The following SAMMSON variants were observed in gnomAD, a reference collection of about 807,000 sequenced individuals.
The protein encoded by SAMMSON is long intergenic non-protein coding RNA 1212.
chr3:70,290,351 T>C (rs1266806666), intron 6 of SAMMSON, among the ~76,000 whole-genome samples: 1 of 152,170 alleles, frequency 6.6e-6, no homozygotes, highest in African/African-American at 2.4e-5. Context: ...TGTTGGGGGG[T>C]GCCTCCCAGT....
In SAMMSON at chr3:70,418,979, T is replaced by C. The variant is rs202178644; in HGVS notation, n.234-43581T>C. On this transcript the variant is annotated intron_variant and non_coding_transcript_variant, in intron 2 of 3. Coordinates refer to the SAMMSON transcript ENST00000641053. ...CCTTTCCTTTCCTTTCCTTCCTTCCTTCTCTCTCTCTCTCTCTCTCTCTTT... is the reference window on the plus strand; with the variant it reads ...CCTTTCCTTTCCTTTCCTTCCTTCCCTCTCTCTCTCTCTCTCTCTCTCTTT... Among the ~76,000 whole-genome samples the C allele has an allele frequency of 6.3e-3, 421 of 67,268 alleles. 4 individuals are homozygous for C. The highest frequency in any genetic ancestry group is 0.022 in the African/African-American group (364 of 16,830). 44.1% of individuals were successfully genotyped at this position (67,268 alleles called of 152,430 possible). A position where few individuals can be genotyped will look rare whatever the true frequency, so the allele number is the denominator to read the frequency against.
In SAMMSON at chr3:70,062,159, G is replaced by C. The variant is rs369397241; in HGVS notation, n.418-9317G>C. 1.6e-4 allele frequency among the ~76,000 whole-genome samples: 24 copies of C among 152,042 alleles called. No individual in the cohort carries two copies. The East Asian group carries it at 4.1e-3, about 26-fold the overall frequency. On this transcript the variant is annotated intron_variant and non_coding_transcript_variant, in intron 3 of 9. Coordinates refer to ENST00000642114, the Ensembl canonical transcript of SAMMSON. ...CTCTGCCCATGGTGCTGAGACACCC[G>C]CATGGCCCGTTTCCCCACTTCATTC...
intron 3 of SAMMSON, among the ~76,000 whole-genome samples, chr3:70,058,167 G>A (rs908915829): frequency 6.6e-6 from 1 of 152,042 alleles, no homozygotes; most frequent in Non-Finnish European, 1.5e-5. Flanking sequence ...CATAAATGTA[G>A]GCAGTTGAGG....
At chr3:70,213,954 G>T (rs976436419) in intron 4 of SAMMSON, among the ~76,000 whole-genome samples, 1 of 151,970 alleles carries the variant, frequency 6.6e-6, no homozygotes, top group African/African-American at 2.4e-5. Context: ...CATAATAAAA[G>T]GTGATTGATA....
At chr3:70,072,088 T>G (rs2067232187) in intron 4 of SAMMSON, 2 of 151,986 alleles carry the variant, frequency 1.3e-5, no homozygotes, top group Non-Finnish European at 2.9e-5. Context: ...TCTCTCCTCT[T>G]TCTTTCTCCT....
chr3:70,044,467 T>C (rs575687840), intron 3 of SAMMSON, among the ~76,000 whole-genome samples: 66 of 152,198 alleles, frequency 4.3e-4, no homozygotes, highest in Admixed American at 4.0e-3. Flanking sequence ...AGCTGCTGTG[T>C]ACTTAAACAT....
At chr3:70,056,238 C>G (rs1559782204) in intron 3 of SAMMSON, among the ~76,000 whole-genome samples, 1 of 152,000 alleles carries the variant, frequency 6.6e-6, no homozygotes, top group South Asian at 2.1e-4. Flanking sequence ...TCTGGCCTTC[C>G]TTTGCTCCTT....
intron 4 of SAMMSON, among the ~76,000 whole-genome samples, chr3:70,078,676 C>A (rs1200964231): frequency 3.9e-5 from 6 of 152,122 alleles, no homozygotes; most frequent in Non-Finnish European, 7.4e-5. Context: ...CAACTGAACC[C>A]TGATCAATAC....
At chr3:70,070,000 G>T (rs1239974433) in intron 3 of SAMMSON, 1 of 151,950 alleles carries the variant, frequency 6.6e-6, no homozygotes, top group Non-Finnish European at 1.5e-5. Flanking sequence ...ATGTATTTTT[G>T]AACCTTTCAG....
intron 7 of SAMMSON, among the ~76,000 whole-genome samples, chr3:70,345,029 T>G (rs1702740080): frequency 6.6e-6 from 1 of 152,230 alleles, no homozygotes; most frequent in African/African-American, 2.4e-5. Context: ...TATGTGTGTA[T>G]ACTAACTCAT....
intron 7 of SAMMSON, among the ~76,000 whole-genome samples, chr3:70,329,695 T>A (rs972969874): frequency 2.6e-5 from 4 of 152,090 alleles, no homozygotes; most frequent in African/African-American, 9.6e-5. Context: ...TTTGTAGACA[T>A]ATTATCTGGG....
chr3:70,272,854 G>C (rs1252906004), intron 6 of SAMMSON, among the ~76,000 whole-genome samples: 5 of 152,090 alleles, frequency 3.3e-5, no homozygotes, highest in Non-Finnish European at 7.4e-5. Context: ...GGAAGGAAGG[G>C]AAATAAAAAA....
chr3:70,056,340 T>A (rs571217493), intron 3 of SAMMSON, among the ~76,000 whole-genome samples: 24 of 152,174 alleles, frequency 1.6e-4, no homozygotes, highest in Admixed American at 1.2e-3. Flanking sequence ...AGACAAAAAG[T>A]CTTTTCATAA....
intron 4 of SAMMSON, among the ~76,000 whole-genome samples, chr3:70,243,154 T>G (rs982295316): frequency 1.3e-4 from 20 of 152,188 alleles, no homozygotes; most frequent in Non-Finnish European, 2.4e-4. Flanking sequence ...GCCTTTTGTC[T>G]TCTGCAGACA....
At chr3:70,088,397 T>C (rs2067293206) in intron 4 of SAMMSON, among the ~76,000 whole-genome samples, 1 of 152,106 alleles carries the variant, frequency 6.6e-6, no homozygotes, top group Non-Finnish European at 1.5e-5. Flanking sequence ...AAAACCATGA[T>C]ATTACAAGGA....
intron 2 of SAMMSON, among the ~76,000 whole-genome samples, chr3:70,397,400 G>A (rs1234416642): frequency 2.6e-4 from 39 of 152,126 alleles, no homozygotes; most frequent in Non-Finnish European, 2.9e-5. Context: ...TGGCTCCCAG[G>A]CCCAGGTGAT....
chr3:70,220,332 G>A (rs1183285534), intron 4 of SAMMSON, among the ~76,000 whole-genome samples: 1 of 152,090 alleles, frequency 6.6e-6, no homozygotes, highest in Non-Finnish European at 1.5e-5. Context: ...TTGGGAGGCC[G>A]AGGTGAGAGG....
At chr3:70,418,945 C>CTTTCCTTTCCTTTCCTTTCCTTTCT in intron 2 of SAMMSON, among the ~76,000 whole-genome samples, 1 of 96,496 alleles carries the variant, frequency 1.0e-5, no homozygotes, top group African/African-American at 3.4e-5. Flanking sequence ...CTTTCCTTTC[C>CTTTCCTTTCCTTTCCTTTCCTTTCT]TTTCCTTTCC....
At chr3:70,409,954 T>C (rs1701205177) in intron 2 of SAMMSON, among the ~76,000 whole-genome samples, 1 of 152,162 alleles carries the variant, frequency 6.6e-6, no homozygotes. Context: ...CCAACAGTTT[T>C]TCAACCCCCT....
Sources: allele counts gnomAD v4.1 joint callset (sites outside exome capture counted in the v4.1 genomes callset), GRCh38; gene constraint gnomAD v4.1.1; transcripts MANE v1.5; gene names NCBI Gene and HGNC (gene_info 2026-07-23, HGNC 2026-07-21).